Variants in RGS6 observed in about 807,000 individuals in gnomAD.
The protein encoded by RGS6 is regulator of G-protein signaling 6.
Under a neutral mutation model 78.5 loss-of-function variants are expected in RGS6, and 30 were observed. The observed-to-expected ratio is 0.38, with a 90% CI of 0.29 to 0.52. RGS6 has a LOEUF of 0.52. Among genes scored for constraint, RGS6 ranks in the 20% least tolerant of loss-of-function variants. The probability of loss-of-function intolerance (pLI) is 0.85; values close to 1 mark genes in which losing one functional copy is unlikely to be tolerated. For synonymous variants in RGS6, 206 were observed against 206.0 expected (o/e 1.00, Z 0.00); for missense variants, 495 against 609.7 (o/e 0.81, Z 1.98).
intron 2 of RGS6, among the ~76,000 whole-genome samples, chr14:72,259,225 G>T (rs12897241): frequency 6.6e-6 from 1 of 152,082 alleles, no homozygotes; most frequent in African/African-American, 2.4e-5. Flanking sequence ...ATCAGATTTT[G>T]CAAAAATAAC....
intron 2 of RGS6, among the ~76,000 whole-genome samples, chr14:72,337,311 G>T (rs2076214035): frequency 6.6e-6 from 1 of 151,492 alleles, no homozygotes; most frequent in Admixed American, 6.6e-5. Context: ...TAAGTCAGGG[G>T]TAAACTTTCC....
intron 2 of RGS6, among the ~76,000 whole-genome samples, chr14:72,349,835 G>A (rs561472484): frequency 2.6e-5 from 4 of 152,112 alleles, no homozygotes; most frequent in South Asian, 2.1e-4. Context: ...TGTCCACTCC[G>A]GGGTCTACCT....
At chr14:72,544,750 C>T (rs1337657423) in intron 17 of RGS6, among the ~76,000 whole-genome samples, 3 of 152,182 alleles carry the variant, frequency 2.0e-5, no homozygotes, top group African/African-American at 4.8e-5. Flanking sequence ...TCCCTCGCCC[C>T]CTCCTTCCAT....
the RGS6 span, among the ~76,000 whole-genome samples, chr14:71,923,643 G>C: frequency 6.6e-6 from 1 of 152,144 alleles, no homozygotes; most frequent in Non-Finnish European, 1.5e-5. Flanking sequence ...AACATCATGA[G>C]TGAATCTAAA....
intron 1 of RGS6, among the ~76,000 whole-genome samples, chr14:71,951,904 G>A (rs1192431810): frequency 6.6e-6 from 1 of 151,908 alleles, no homozygotes; most frequent in Non-Finnish European, 1.5e-5. Flanking sequence ...TCTGATTGTT[G>A]CTGATATACA....
intron 2 of RGS6, among the ~76,000 whole-genome samples, chr14:72,063,665 G>A (rs1364460406): frequency 2.6e-5 from 4 of 152,132 alleles, no homozygotes; most frequent in Admixed American, 2.0e-4. Flanking sequence ...ATTGACAGAA[G>A]CATCTCCTTA....
At chr14:72,453,013 T>C (rs2095533791) in intron 3 of RGS6, among the ~76,000 whole-genome samples, 1 of 152,138 alleles carries the variant, frequency 6.6e-6, no homozygotes, top group South Asian at 2.1e-4. Context: ...CCTGTTGCAC[T>C]TGGAGGGAGG....
intron 3 of RGS6, among the ~76,000 whole-genome samples, chr14:72,397,935 C>T (rs921025855): frequency 1.2e-4 from 19 of 152,144 alleles, no homozygotes; most frequent in South Asian, 2.1e-4. Flanking sequence ...TTTTGATGTG[C>T]TGCTGGATTC....
intron 2 of RGS6, among the ~76,000 whole-genome samples, chr14:72,025,252 C>A (rs909277845): frequency 2.0e-5 from 3 of 151,854 alleles, no homozygotes; most frequent in African/African-American, 2.4e-5. Flanking sequence ...TCTGCTCCAA[C>A]AGGGCCAAAT....
At position 72,030,965 on chromosome 14, in the gene RGS6, A is replaced by G. The variant is rs375385849; in HGVS notation, c.84+66090A>G. ...ATATTAAGCTGGAAATCTAGAAATA[A>G]GAACTTTAGCAACAATTTTTTTTTT... On this transcript the variant is annotated intron_variant, in intron 2 of 17. Coordinates refer to ENST00000553525, the MANE Select transcript of RGS6 (RefSeq NM_001204424.2). Among the ~76,000 whole-genome samples, 230 of 113,196 alleles carry G rather than the reference A, an allele frequency of 2.0e-3. 1 individual carries two copies. The highest frequency in any genetic ancestry group is 4.5e-3 in the Middle Eastern group (1 of 220). The allele number at this position is 113,196 out of a possible 152,430, so 74.3% of individuals were successfully genotyped here.
chr14:72,280,007 A>G (rs987976128), intron 2 of RGS6, among the ~76,000 whole-genome samples: 7 of 152,292 alleles, frequency 4.6e-5, no homozygotes, highest in African/African-American at 1.7e-4. Context: ...AGTTTCTACT[A>G]CTACAGGGTA....
At chr14:72,472,183 AAAG>A (rs945086747) in intron 8 of RGS6, among the ~76,000 whole-genome samples, 11 of 142,768 alleles carry the variant, frequency 7.7e-5, no homozygotes, top group African/African-American at 1.5e-4. Context: ...AAAAAAAAAA[AAAG>A]AAAGAAAAAG....
intron 2 of RGS6, among the ~76,000 whole-genome samples, chr14:72,304,263 G>T (rs1250911205): frequency 3.3e-5 from 5 of 152,192 alleles, no homozygotes; most frequent in Non-Finnish European, 5.9e-5. Flanking sequence ...GGTGTTGTTT[G>T]TCTGACCTTC....
chr14:72,112,333 C>A (rs2095787428), intron 2 of RGS6, among the ~76,000 whole-genome samples: 1 of 152,090 alleles, frequency 6.6e-6, no homozygotes, highest in African/African-American at 2.4e-5. Flanking sequence ...ATGCGTGCTC[C>A]CCATATTAGG....
rs149432034 is a variant in RGS6 at position 72,260,168 on chromosome 14, A to G, written c.85-91927A>G. Reference sequence around the variant, plus strand: ...GTATAAAGTTTGATTGTTAGGCTCTATGATCTGGTGACAATAGTCGTTACT... The same window carrying G: ...GTATAAAGTTTGATTGTTAGGCTCTGTGATCTGGTGACAATAGTCGTTACT... On this transcript the variant is annotated intron_variant, in intron 2 of 17. Transcript: ENST00000553525. Among the ~76,000 whole-genome samples, 439 of 152,292 alleles carry G rather than the reference A, an allele frequency of 2.9e-3. 2 individuals are homozygous for G. The highest frequency in any genetic ancestry group is 0.01 in the African/African-American group (421 of 41,560).
At chr14:72,569,051 C>G (rs1022771379), downstream of RGS6, among the ~76,000 whole-genome samples, 1 of 152,026 alleles carries the variant, frequency 6.6e-6, no homozygotes, top group Admixed American at 6.5e-5. Context: ...TGCCTGTGAT[C>G]GCACCCTCAG....
chr14:72,360,019 G>C (rs1371776725), intron 3 of RGS6, among the ~76,000 whole-genome samples: 1 of 152,004 alleles, frequency 6.6e-6, no homozygotes, highest in Non-Finnish European at 1.5e-5. Flanking sequence ...AGAGGGGTAC[G>C]TTAGGTCAGA....
chr14:72,230,122 G>C (rs2049181831), intron 2 of RGS6, among the ~76,000 whole-genome samples: 1 of 152,220 alleles, frequency 6.6e-6, no homozygotes, highest in South Asian at 2.1e-4. Flanking sequence ...AGGGAAGAAA[G>C]AGTTTTTCAA....
intron 2 of RGS6, among the ~76,000 whole-genome samples, chr14:72,070,394 C>T (rs1025418849): frequency 6.6e-6 from 1 of 152,174 alleles, no homozygotes; most frequent in Non-Finnish European, 1.5e-5. Flanking sequence ...TGTATGAACT[C>T]GCACTGCAAA....
Sources: gnomAD v4.1 joint callset for allele counts (sites outside exome capture counted in the v4.1 genomes callset) on GRCh38, gnomAD v4.1.1 for gene constraint, MANE v1.5 for transcripts, NCBI Gene and HGNC (gene_info 2026-07-23, HGNC 2026-07-21) for gene names.